INPP4B: variants seen among roughly 807,000 people sequenced by gnomAD.
INPP4B encodes inositol polyphosphate 4-phosphatase type II.
A neutral mutation model predicts 122.5 loss-of-function variants in INPP4B; 55 were observed. The ratio of observed to expected loss-of-function variants is 0.45; its 90% CI spans 0.36 to 0.56. INPP4B has a LOEUF of 0.56. Ranked by LOEUF, INPP4B falls within the 20% of genes least tolerant of loss-of-function variation. The pLI, the probability that INPP4B is intolerant of heterozygous loss-of-function variation, is 0.00. For synonymous variants in INPP4B, 403 were observed against 388.7 expected (o/e 1.04, Z -0.43); for missense variants, 1,000 against 1,097.7 (o/e 0.91, Z 1.26).
intron 1 of INPP4B, among the ~76,000 whole-genome samples, chr4:142,753,031 G>A (rs1193497982): frequency 6.6e-6 from 1 of 152,062 alleles, no homozygotes; most frequent in African/African-American, 2.4e-5. Context: ...ACAGCTCTGT[G>A]CAGAGGAGAG....
intron 2 of INPP4B, among the ~76,000 whole-genome samples, chr4:142,544,749 C>T (rs1293359811): frequency 6.6e-6 from 1 of 152,094 alleles, no homozygotes; most frequent in Non-Finnish European, 1.5e-5. Flanking sequence ...TCGATTGAGA[C>T]TGCGCCTGCC....
chr4:142,676,185 G>A (rs1438459136), intron 2 of INPP4B, among the ~76,000 whole-genome samples: 6 of 152,080 alleles, frequency 3.9e-5, no homozygotes, highest in Non-Finnish European at 8.8e-5. Flanking sequence ...AAAATCACAA[G>A]CATTCCTATA....
At chr4:142,653,527 GA>G (rs1299645025) in intron 2 of INPP4B, among the ~76,000 whole-genome samples, 1 of 151,568 alleles carries the variant, frequency 6.6e-6, no homozygotes, top group African/African-American at 2.4e-5. Context: ...AAATTTACAA[GA>G]AAAAAACAAC....
chr4:142,796,371 T>C (rs993713287), intron 1 of INPP4B, among the ~76,000 whole-genome samples: 66 of 151,860 alleles, frequency 4.3e-4, no homozygotes, highest in African/African-American at 1.5e-3. Flanking sequence ...GGTTCGGCAG[T>C]CAAATTATTA....
At chr4:142,314,579 C>T (rs1192872816) in intron 8 of INPP4B, 133 bp downstream of exon 8, 1 of 793,896 alleles carries the variant, frequency 1.3e-6, no homozygotes, top group African/African-American at 1.8e-5. Context: ...GTGACAGTGC[C>T]TCCTTGAAGA....
At chr4:142,696,817 T>C (rs1761092585) in intron 2 of INPP4B, among the ~76,000 whole-genome samples, 1 of 152,244 alleles carries the variant, frequency 6.6e-6, no homozygotes, top group South Asian at 2.1e-4. Context: ...AGCAGGTTTA[T>C]AGTTCCATTC....
At chr4:142,136,177 C>T (rs552744515) in intron 18 of INPP4B, among the ~76,000 whole-genome samples, 2 of 152,242 alleles carry the variant, frequency 1.3e-5, no homozygotes, top group Admixed American at 1.3e-4. Context: ...GGCAGTCAGC[C>T]TCACCCTGGC....
intron 7 of INPP4B, among the ~76,000 whole-genome samples, chr4:142,362,248 A>G (rs927688317): frequency 6.6e-6 from 1 of 152,026 alleles, no homozygotes; most frequent in Admixed American, 6.6e-5. Context: ...AAGAACAGGG[A>G]GTAGGTGCAA....
At chr4:142,378,449 T>C (rs1792826039) in intron 7 of INPP4B, among the ~76,000 whole-genome samples, 1 of 152,178 alleles carries the variant, frequency 6.6e-6, no homozygotes, top group African/African-American at 2.4e-5. Context: ...AGTTTGGTAT[T>C]ATCTTTTCTC....
intron 2 of INPP4B, among the ~76,000 whole-genome samples, chr4:142,574,728 C>T (rs143951592): frequency 1.2e-4 from 19 of 152,192 alleles, no homozygotes; most frequent in African/African-American, 3.9e-4. Context: ...TTTCTCATAT[C>T]GCCATAATAA....
intron 7 of INPP4B, among the ~76,000 whole-genome samples, chr4:142,393,637 C>T (rs998892910): frequency 2.6e-5 from 4 of 152,312 alleles, no homozygotes; most frequent in South Asian, 2.1e-4. Flanking sequence ...CCTATATTTG[C>T]GTCCTTGTGG....
At chr4:142,151,968 C>T (rs148864027) in intron 17 of INPP4B, among the ~76,000 whole-genome samples, 14 of 151,848 alleles carry the variant, frequency 9.2e-5, no homozygotes, top group African/African-American at 4.8e-5. Flanking sequence ...ATACTTTCTC[C>T]GTTATCTTCC....
chr4:142,803,253 G>A (rs1229242226), intron 1 of INPP4B, among the ~76,000 whole-genome samples: 2 of 151,506 alleles, frequency 1.3e-5, no homozygotes, highest in East Asian at 1.9e-4. Context: ...ACAATAAAAT[G>A]GGTTTTTGCA....
intron 2 of INPP4B, among the ~76,000 whole-genome samples, chr4:142,624,253 T>A (rs1001196864): frequency 6.6e-6 from 1 of 151,804 alleles, no homozygotes; most frequent in African/African-American, 2.4e-5. Flanking sequence ...TTTTAATGAT[T>A]GCCATTCTAA....
intron 1 of INPP4B, among the ~76,000 whole-genome samples, chr4:142,836,711 G>A (rs7663475): frequency 0.27 from 34,200 of 125,138 alleles, 4,130 homozygotes; most frequent in South Asian, 0.39. Context: ...AAATGAAAAA[G>A]TACTGTCTAC....
intron 2 of INPP4B, among the ~76,000 whole-genome samples, chr4:142,713,596 C>T (rs1763381600): frequency 1.3e-5 from 2 of 152,190 alleles, no homozygotes; most frequent in South Asian, 4.1e-4. Flanking sequence ...CACAGCGGCA[C>T]TATTACATTT....
intron 18 of INPP4B, among the ~76,000 whole-genome samples, chr4:142,141,352 G>A (rs192702101): frequency 1.8e-4 from 27 of 152,156 alleles, no homozygotes; most frequent in African/African-American, 4.8e-4. Context: ...TTAAGATGAC[G>A]TCAAAATCTA....
chr4:142,768,263 AAATT>A (rs1772462395), intron 1 of INPP4B, among the ~76,000 whole-genome samples: 1 of 152,198 alleles, frequency 6.6e-6, no homozygotes, highest in Non-Finnish European at 1.5e-5. Context: ...TAATAACAAT[AAATT>A]AAGTGAATAA....
At chr4:142,646,985 T>C (rs1751922286) in intron 2 of INPP4B, among the ~76,000 whole-genome samples, 1 of 152,120 alleles carries the variant, frequency 6.6e-6, no homozygotes, top group South Asian at 2.1e-4. Flanking sequence ...GTAAACACAA[T>C]ACAATGATTT....
Sources: allele counts gnomAD v4.1 joint callset (sites outside exome capture counted in the v4.1 genomes callset), GRCh38; gene constraint gnomAD v4.1.1; transcripts MANE v1.5; gene names NCBI Gene and HGNC (gene_info 2026-07-23, HGNC 2026-07-21).